Variants in DLG2 observed in about 807,000 individuals in gnomAD.
DLG2 encodes discs large MAGUK scaffold protein 2.
A neutral mutation model predicts 132.5 loss-of-function variants in DLG2; 45 were observed. That is an observed-to-expected ratio of 0.34 (90% confidence interval 0.27 to 0.44). The LOEUF is 0.44. DLG2 is among the 20% of genes least tolerant of loss of function. The probability of loss-of-function intolerance (pLI) is 1.00; values close to 1 mark genes in which losing one functional copy is unlikely to be tolerated. For missense variants in DLG2, 1,045 were observed against 1,196.9 expected, an observed-to-expected ratio of 0.87 and a Z score of 1.87; for synonymous variants, 424 against 419.6, an observed-to-expected ratio of 1.01 and a Z score of -0.13.
chr11:85,230,863 T>C (rs1241751144), intron 4 of DLG2, among the ~76,000 whole-genome samples: 1 of 151,916 alleles, frequency 6.6e-6, no homozygotes, highest in South Asian at 2.1e-4. Flanking sequence ...GGGAGTTTGA[T>C]AGTCCCATTT....
At chr11:84,712,218 T>C (rs1361906474) in intron 6 of DLG2, among the ~76,000 whole-genome samples, 1 of 152,084 alleles carries the variant, frequency 6.6e-6, no homozygotes, top group African/African-American at 2.4e-5. Context: ...AATTCAATAT[T>C]CCCTTTCTGT....
intron 19 of DLG2, among the ~76,000 whole-genome samples, chr11:83,601,110 G>A (rs1415421039): frequency 3.3e-5 from 5 of 152,160 alleles, no homozygotes; most frequent in African/African-American, 1.2e-4. Flanking sequence ...GTCAAATCTG[G>A]CACATAGCAG....
At chr11:85,366,738 T>C (rs2084585336) in intron 3 of DLG2, among the ~76,000 whole-genome samples, 1 of 152,194 alleles carries the variant, frequency 6.6e-6, no homozygotes, top group Non-Finnish European at 1.5e-5. Flanking sequence ...GATGTATATA[T>C]AGCCATAATC....
chr11:85,497,999 T>C (rs1400580970), intron 3 of DLG2, among the ~76,000 whole-genome samples: 2 of 152,132 alleles, frequency 1.3e-5, no homozygotes, highest in African/African-American at 4.8e-5. Flanking sequence ...AGACCATCGA[T>C]GCTATGAAGA....
In DLG2 at chr11:84,427,286, A is replaced by G. The variant is rs1000298541; in HGVS notation, c.519+107284T>C. Among the ~76,000 whole-genome samples, 13 of 152,144 alleles carry G rather than the reference A, an allele frequency of 8.5e-5. 1 individual carries two copies. The highest frequency in any genetic ancestry group is 3.1e-4 in the African/African-American group (13 of 41,444). ...AGGAAAGAAAGGAGGTACGGAAGAAAAAGTTTTTACAATAGGTAGATTCTT... is the reference window on the plus strand; with the variant it reads ...AGGAAAGAAAGGAGGTACGGAAGAAGAAGTTTTTACAATAGGTAGATTCTT... On this transcript the variant is annotated intron_variant, in intron 7 of 27. Transcript: ENST00000376104.
chr11:84,383,707 A>G (rs968389319), intron 7 of DLG2, among the ~76,000 whole-genome samples: 2 of 152,066 alleles, frequency 1.3e-5, no homozygotes, highest in East Asian at 3.9e-4. Flanking sequence ...AAGGAAATAC[A>G]TTCTGTTAAC....
At chr11:84,442,523 T>C (rs954023254) in intron 7 of DLG2, among the ~76,000 whole-genome samples, 4 of 151,984 alleles carry the variant, frequency 2.6e-5, no homozygotes, top group Non-Finnish European at 4.4e-5. Context: ...CACTGAGGCC[T>C]GTCAGTGGGT....
intron 6 of DLG2, among the ~76,000 whole-genome samples, chr11:84,613,204 A>G (rs2154538123): frequency 6.6e-6 from 1 of 152,252 alleles, no homozygotes; most frequent in Non-Finnish European, 1.5e-5. Flanking sequence ...ATGTTCAGGA[A>G]AACCAAATCA....
intron 7 of DLG2, among the ~76,000 whole-genome samples, chr11:84,297,655 A>G (rs1212690979): frequency 6.6e-6 from 1 of 151,970 alleles, no homozygotes; most frequent in East Asian, 1.9e-4. Context: ...CACTGTATAC[A>G]ATACATCATC....
chr11:83,557,004 A>G (rs1458352493), intron 19 of DLG2, among the ~76,000 whole-genome samples: 1 of 109,140 alleles, frequency 9.2e-6, no homozygotes. Flanking sequence ...CCATCCCACA[A>G]TCTCAACAAC....
intron 6 of DLG2, among the ~76,000 whole-genome samples, chr11:84,816,175 T>C (rs1204977210): frequency 6.6e-6 from 1 of 152,040 alleles, no homozygotes; most frequent in Non-Finnish European, 1.5e-5. Context: ...TTCTGCCACC[T>C]GAAGCAAAAG....
At chr11:85,108,482 C>T (rs543429163) in intron 6 of DLG2, among the ~76,000 whole-genome samples, 2 of 151,890 alleles carry the variant, frequency 1.3e-5, no homozygotes, top group South Asian at 4.2e-4. Context: ...ATATTAATAC[C>T]AGAATTTCAT....
intron 6 of DLG2, among the ~76,000 whole-genome samples, chr11:84,558,123 AG>A (rs1167594450): frequency 6.6e-6 from 1 of 152,184 alleles, no homozygotes; most frequent in Admixed American, 6.5e-5. Flanking sequence ...TTTTAACTCT[AG>A]TATTCATTAA....
At position 84,650,839 on chromosome 11, in the gene DLG2, A is replaced by G. The variant is rs988968309; in HGVS notation, c.358-116108T>C. Among the ~76,000 whole-genome samples the G allele has an allele frequency of 8.0e-5, 9 of 112,806 alleles. No homozygotes were observed. The South Asian group carries it at 3.2e-3, about 41-fold the overall frequency. The allele number at this position is 112,806 out of a possible 152,430, so 74.0% of individuals were successfully genotyped here. A position where few individuals can be genotyped will look rare whatever the true frequency, so the allele number is the denominator to read the frequency against. The stretch of plus-strand genomic sequence containing the variant: ...TACCATAACAGAAAAGTTATAATAA[A>G]CTTTCCTGTATGTGTGTGTGTGTGT... On this transcript the variant is annotated intron_variant, in intron 6 of 27. Coordinates refer to ENST00000376104, the MANE Select transcript of DLG2 (RefSeq NM_001142699.3).
At chr11:83,624,456 A>G (rs574375250) in intron 19 of DLG2, among the ~76,000 whole-genome samples, 3 of 152,252 alleles carry the variant, frequency 2.0e-5, no homozygotes, top group Non-Finnish European at 4.4e-5. Flanking sequence ...TCCACAATTA[A>G]GGATACAACT....
At chr11:84,396,885 A>C (rs1601402683) in intron 7 of DLG2, among the ~76,000 whole-genome samples, 1 of 152,224 alleles carries the variant, frequency 6.6e-6, no homozygotes, top group Non-Finnish European at 1.5e-5. Flanking sequence ...GTGACGGTGC[A>C]ACATCTTTTC....
chr11:83,580,076 G>A (rs541836861), intron 19 of DLG2, among the ~76,000 whole-genome samples: 1 of 152,118 alleles, frequency 6.6e-6, no homozygotes, highest in African/African-American at 2.4e-5. Context: ...ACAATATATA[G>A]AACTTCCAAT....
At chr11:85,166,749 T>A (rs1308207133) in intron 4 of DLG2, among the ~76,000 whole-genome samples, 1 of 152,196 alleles carries the variant, frequency 6.6e-6, no homozygotes, top group African/African-American at 2.4e-5. Flanking sequence ...CATCTTGACA[T>A]CCTTCATAGT....
chr11:83,525,672 A>G (rs187303737), intron 21 of DLG2, among the ~76,000 whole-genome samples: 1 of 152,276 alleles, frequency 6.6e-6, no homozygotes, highest in African/African-American at 2.4e-5. Context: ...GTGCAGCAGT[A>G]TGGCTCTCCT....
Sources: gnomAD v4.1 joint callset for allele counts (sites outside exome capture counted in the v4.1 genomes callset) on GRCh38, gnomAD v4.1.1 for gene constraint, MANE v1.5 for transcripts, NCBI Gene and HGNC (gene_info 2026-07-23, HGNC 2026-07-21) for gene names.